The following PTPRO variants were observed in gnomAD, a reference collection of about 807,000 sequenced individuals.
PTPRO encodes receptor-type tyrosine-protein phosphatase O.
PTPRO carries 62 observed loss-of-function variants against 145.2 expected under a neutral mutation model. The observed-to-expected ratio is 0.43, with a 90% CI of 0.35 to 0.53. PTPRO has a LOEUF of 0.53. Among genes scored for constraint, PTPRO ranks in the 20% least tolerant of loss-of-function variants. PTPRO has a pLI of 0.01. For missense variants in PTPRO, 1,345 were observed against 1,482.7 expected, an observed-to-expected ratio of 0.91 and a Z score of 1.53; for synonymous variants, 565 against 514.7, an observed-to-expected ratio of 1.10 and a Z score of -1.32.
At chr12:15,425,869 T>C (rs1253457898) in intron 1 of PTPRO, among the ~76,000 whole-genome samples, 1 of 152,078 alleles carries the variant, frequency 6.6e-6, no homozygotes, top group Admixed American at 6.6e-5. Context: ...TTTTAAAATA[T>C]ACTTGTCACT....
chr12:15,598,102 T>G lies in PTPRO; in HGVS notation c.*2029T>G, dbSNP rs111688270. Reference sequence around the variant, plus strand: ...CCCTTTCAAGGTAGGGATCAAATAGTGCCAGATCAATTTTCCCAAAAGGAA... The same window carrying G: ...CCCTTTCAAGGTAGGGATCAAATAGGGCCAGATCAATTTTCCCAAAAGGAA... On this transcript the variant is annotated 3_prime_UTR_variant, in exon 27 of 27. Coordinates refer to ENST00000281171, the MANE Select transcript of PTPRO (RefSeq NM_030667.3). Among the ~76,000 whole-genome samples the G allele has an allele frequency of 1.1e-4, 16 of 152,306 alleles. 1 individual carries two copies. The highest frequency in any genetic ancestry group is 3.8e-4 in the African/African-American group (16 of 41,574).
At chr12:15,349,381 G>A (rs576629695) in intron 1 of PTPRO, among the ~76,000 whole-genome samples, 2 of 152,192 alleles carry the variant, frequency 1.3e-5, no homozygotes, top group African/African-American at 4.8e-5. Flanking sequence ...AATGTATTTG[G>A]ATGTATAATA....
At chr12:15,424,912 C>A (rs1940242823) in intron 1 of PTPRO, among the ~76,000 whole-genome samples, 1 of 152,084 alleles carries the variant, frequency 6.6e-6, no homozygotes, top group Non-Finnish European at 1.5e-5. Flanking sequence ...CCCATCTCAT[C>A]TGGGAGAAAG....
intron 1 of PTPRO, among the ~76,000 whole-genome samples, chr12:15,360,973 C>T (rs986840635): frequency 2.1e-4 from 25 of 116,558 alleles, no homozygotes; most frequent in Middle Eastern, 5.2e-3. Context: ...TATATACACA[C>T]GTATATATAC....
rs538898069 is a variant in PTPRO at position 15,548,346 on chromosome 12, C to A, written c.2305-748C>A. 2.0e-5 allele frequency among the ~76,000 whole-genome samples: 3 copies of A among 152,228 alleles called. No individual in the cohort carries two copies. In the South Asian group the frequency reaches 6.2e-4, roughly 32 times the overall value. On this transcript the variant is annotated intron_variant, in intron 13 of 26. Coordinates refer to ENST00000281171, the MANE Select transcript of PTPRO (RefSeq NM_030667.3). ...ATTGATGCCAAAGGTGAGTAACTTG[C>A]AAAATGTCTGTAGAGAACTATTTTT...
At chr12:15,554,430 C>A (rs1943562376) in intron 15 of PTPRO, among the ~76,000 whole-genome samples, 1 of 150,248 alleles carries the variant, frequency 6.7e-6, no homozygotes, top group Non-Finnish European at 1.5e-5. Flanking sequence ...ATATATATAT[C>A]TCCTATTATA....
In PTPRO at chr12:15,513,151, GAA is replaced by G. The variant is rs1565675567; in HGVS notation, c.1465-2345_1465-2344del. Among the ~76,000 whole-genome samples, 3 of 32,498 alleles carry G rather than the reference GAA, an allele frequency of 9.2e-5. 1 individual carries two copies. The highest frequency in any genetic ancestry group is 4.4e-4 in the East Asian group (1 of 2,260). 21.3% of individuals were successfully genotyped at this position (32,498 alleles called of 152,430 possible). On this transcript the variant is annotated intron_variant, in intron 7 of 26. Transcript: ENST00000281171. ...AGGAAGGAAGGAAGGAAGAAAGAAA[GAA>G]AGAAAAAGAAAGAAAGAAAGAAAGA... is the stretch of plus-strand genomic sequence containing the variant.
At chr12:15,431,302 C>T (rs899941756) in intron 1 of PTPRO, among the ~76,000 whole-genome samples, 10 of 152,214 alleles carry the variant, frequency 6.6e-5, no homozygotes, top group African/African-American at 2.4e-4. Flanking sequence ...CATCCCTCTT[C>T]ATCTCAGGAG....
chr12:15,444,843 T>A (rs1167999240), intron 1 of PTPRO, among the ~76,000 whole-genome samples: 1 of 152,142 alleles, frequency 6.6e-6, no homozygotes, highest in South Asian at 2.1e-4. Context: ...TAGTCCATGT[T>A]TTTTTTATAG....
chr12:15,429,122 C>T (rs1940363134), intron 1 of PTPRO, among the ~76,000 whole-genome samples: 1 of 152,062 alleles, frequency 6.6e-6, no homozygotes, highest in African/African-American at 2.4e-5. Flanking sequence ...ACCGTTTGAA[C>T]AGGGCAGTGT....
rs754346738 is a variant in PTPRO, at chr12:15,508,567, G to A, written c.1268-4G>A. The A allele has an allele frequency of 3.7e-6, 6 of 1,613,664 alleles. No individual in the cohort carries two copies. In the South Asian group the frequency reaches 4.4e-5, roughly 12 times the overall value. ...TCCCCTGTGTTCCAATTTGAAATGTGCAGGTCCTTCAGGAGAGTGGATTGA... is the reference window on the plus strand; with the variant it reads ...TCCCCTGTGTTCCAATTTGAAATGTACAGGTCCTTCAGGAGAGTGGATTGA... On this transcript the variant is annotated splice_polypyrimidine_tract_variant and splice_region_variant and intron_variant, in intron 6 of 26. Transcript: ENST00000281171.
intron 1 of PTPRO, among the ~76,000 whole-genome samples, chr12:15,445,146 G>T (rs1287140270): frequency 6.6e-6 from 1 of 152,090 alleles, no homozygotes; most frequent in African/African-American, 2.4e-5. Context: ...TAAAGAACAA[G>T]AGCAGGTTTA....
chr12:15,542,802 G>A (rs1310212207), intron 12 of PTPRO, among the ~76,000 whole-genome samples: 1 of 152,058 alleles, frequency 6.6e-6, no homozygotes, highest in Admixed American at 6.5e-5. Context: ...CATTCTGTCT[G>A]TATTTTACAT....
chr12:15,428,093 T>C (rs1444640266), intron 1 of PTPRO, among the ~76,000 whole-genome samples: 1 of 152,138 alleles, frequency 6.6e-6, no homozygotes, highest in African/African-American at 2.4e-5. Flanking sequence ...CCTTTTCTTG[T>C]TATGCAAGCA....
chr12:15,427,951 T>C (rs755617825), intron 1 of PTPRO, among the ~76,000 whole-genome samples: 1 of 152,176 alleles, frequency 6.6e-6, no homozygotes, highest in Non-Finnish European at 1.5e-5. Context: ...TCTTATGTTA[T>C]TAATATTTAT....
At position 15,508,601 on chromosome 12, in the gene PTPRO, C is replaced by T. The variant is rs1260805972; in HGVS notation, c.1298C>T (p.Thr433Ile). ...SPSGEWIEELTEKPQHVSVHV... is the reference protein window; with the variant it reads ...SPSGEWIEELIEKPQHVSVHV... ...TCAGGAGAGTGGATTGAAGAACTGA[C>T]CGAGAAGCCGCAGCACGTGAGTGTC... Residue 433 changes from threonine (T) to isoleucine (I), a missense_variant, in exon 7 of 27, where the codon ACC (threonine) becomes ATC (isoleucine). By Grantham distance (89) the Thr-to-Ile change is moderately conservative (BLOSUM62 -1). This residue lies in a region of PTPRO where 1,130 missense variants were observed against 1,214.7 expected (regional missense o/e 0.93). Coordinates refer to ENST00000281171, the MANE Select transcript of PTPRO (RefSeq NM_030667.3). The T allele has an allele frequency of 3.8e-5, 62 of 1,613,946 alleles. No individual in the cohort carries two copies. Among genetic ancestry groups the T allele is most frequent in the Non-Finnish European group, 4.7e-5 (55 of 1,179,994 alleles).
In PTPRO at chr12:15,376,588, C is replaced by T. The variant is rs117223019; in HGVS notation, c.75+53787C>T. 2.0e-4 allele frequency among the ~76,000 whole-genome samples: 31 copies of T among 152,242 alleles called. No individual in the cohort carries two copies. In the East Asian group the frequency reaches 5.8e-3, roughly 28 times the overall value. On this transcript the variant is annotated intron_variant, in intron 1 of 26. Transcript: ENST00000281171. The stretch of plus-strand genomic sequence containing the variant: ...AATGCTATAATAAAAATACCACAAA[C>T]TGGGTGGCTTAAACAACAAGTATTT...
intron 8 of PTPRO, 84 bp from the exon 9 acceptor site, chr12:15,516,679 G>A (rs952396617): frequency 2.8e-5 from 34 of 1,215,102 alleles, no homozygotes; most frequent in African/African-American, 1.8e-4. Flanking sequence ...GTGAAAACTC[G>A]GGTCATTAAG....
chr12:15,476,062 G>A (rs376204315), intron 1 of PTPRO, among the ~76,000 whole-genome samples: 9 of 152,198 alleles, frequency 5.9e-5, no homozygotes, highest in African/African-American at 2.2e-4. Context: ...AAGAGAGAAG[G>A]GCGCTATGAT....
Sources: allele counts gnomAD v4.1 joint callset (sites outside exome capture counted in the v4.1 genomes callset), GRCh38; gene constraint gnomAD v4.1.1; regional missense constraint gnomAD v4.1.1; transcripts MANE v1.5; gene names NCBI Gene and HGNC (gene_info 2026-07-23, HGNC 2026-07-21).